CADPS2: variants seen among roughly 807,000 people sequenced by gnomAD.
CADPS2 encodes the protein calcium-dependent secretion activator 2.
In CADPS2, 93 loss-of-function variants were observed where a neutral mutation model predicts 172.5. That is an observed-to-expected ratio of 0.54 (90% CI 0.46 to 0.64). The LOEUF (loss-of-function observed/expected upper bound fraction) is 0.64, where lower values mean the gene tolerates loss of function less well. CADPS2 is among the 30% of genes least tolerant of loss of function. CADPS2 has a pLI of 0.00. For synonymous variants in CADPS2, 546 were observed against 555.2 expected, an observed-to-expected ratio of 0.98 and a Z score of 0.23; for missense variants, 1,420 against 1,565.9, an observed-to-expected ratio of 0.91 and a Z score of 1.57.
chr7:122,350,881 G>T (rs1014321790), intron 27 of CADPS2, among the ~76,000 whole-genome samples: 1 of 151,970 alleles, frequency 6.6e-6, no homozygotes, highest in Non-Finnish European at 1.5e-5. Context: ...AGCTGCTTAG[G>T]AGTCTGAGGT....
intron 3 of CADPS2, among the ~76,000 whole-genome samples, chr7:122,640,943 A>AG (rs2077574769): frequency 6.6e-6 from 1 of 152,044 alleles, no homozygotes; most frequent in Admixed American, 6.5e-5. Context: ...CAAAAAAAAA[A>AG]AAAAAAAATT....
At chr7:122,456,801 TG>T (rs1219933210) in intron 14 of CADPS2, among the ~76,000 whole-genome samples, 1 of 152,194 alleles carries the variant, frequency 6.6e-6, no homozygotes, top group Admixed American at 6.5e-5. Context: ...CAACACTTTT[TG>T]AAAGGCAGAT....
intron 1 of CADPS2, among the ~76,000 whole-genome samples, chr7:122,779,318 G>C (rs1589151510): frequency 6.6e-6 from 1 of 152,154 alleles, no homozygotes; most frequent in East Asian, 1.9e-4. Context: ...GGCCAACTAG[G>C]GTGACTATTC....
At chr7:122,774,279 CA>C (rs2093804067) in intron 1 of CADPS2, among the ~76,000 whole-genome samples, 1 of 146,802 alleles carries the variant, frequency 6.8e-6, no homozygotes, top group African/African-American at 2.5e-5. Flanking sequence ...TACACACACA[CA>C]CACACACACA....
rs181425791 is a variant in CADPS2 at position 122,836,798 on chromosome 7, G to C, written c.339+49201C>G. 2.6e-5 allele frequency among the ~76,000 whole-genome samples: 4 copies of C among 152,138 alleles called. No homozygotes were observed. The South Asian group carries it at 8.3e-4, about 32-fold the overall frequency. ...TAAAGCAAGGCCTTAGAGATCTACA[G>C]AGAGACTTAGACTCTCACACAATAA... On this transcript the variant is annotated intron_variant, in intron 1 of 29. Transcript: ENST00000449022.
intron 1 of CADPS2, among the ~76,000 whole-genome samples, chr7:122,738,393 A>C (rs559089647): frequency 6.6e-6 from 1 of 151,904 alleles, no homozygotes; most frequent in East Asian, 1.9e-4. Context: ...ATCTTAGGTA[A>C]TGCAGAAGCT....
chr7:122,756,554 T>C (rs1189519008), intron 1 of CADPS2, among the ~76,000 whole-genome samples: 1 of 152,214 alleles, frequency 6.6e-6, no homozygotes, highest in Non-Finnish European at 1.5e-5. Context: ...TTCCAAATAC[T>C]CTGATGTTAT....
chr7:122,662,009 A>T (rs2080602834), intron 3 of CADPS2, among the ~76,000 whole-genome samples: 1 of 152,214 alleles, frequency 6.6e-6, no homozygotes, highest in Non-Finnish European at 1.5e-5. Context: ...TGAGTACACA[A>T]ATTGTTCACA....
intron 28 of CADPS2, among the ~76,000 whole-genome samples, chr7:122,344,219 T>C (rs1279122138): frequency 6.6e-6 from 1 of 152,230 alleles, no homozygotes; most frequent in African/African-American, 2.4e-5. Flanking sequence ...GTAACTTGCA[T>C]AATTAAGTGA....
intron 1 of CADPS2, chr7:122,850,320 C>T: frequency 2.1e-6 from 1 of 473,868 alleles, no homozygotes; most frequent in African/African-American, 2.0e-5. Flanking sequence ...TCCTCCAATG[C>T]AGACATGGAC....
At chr7:122,704,589 A>C (rs2086689511) in intron 2 of CADPS2, among the ~76,000 whole-genome samples, 1 of 152,042 alleles carries the variant, frequency 6.6e-6, no homozygotes, top group South Asian at 2.1e-4. Flanking sequence ...TTCAAAACAT[A>C]TCTCACATCA....
chr7:122,609,095 T>C (rs2073971723), intron 6 of CADPS2, among the ~76,000 whole-genome samples: 1 of 152,140 alleles, frequency 6.6e-6, no homozygotes, highest in Non-Finnish European at 1.5e-5. Flanking sequence ...TTTTTAATAA[T>C]GAATTTCCTT....
intron 2 of CADPS2, among the ~76,000 whole-genome samples, chr7:122,666,201 T>G (rs943009220): frequency 6.6e-6 from 1 of 152,202 alleles, no homozygotes; most frequent in Non-Finnish European, 1.5e-5. Context: ...TTGGTCTATC[T>G]GTACCCTAAT....
intron 1 of CADPS2, among the ~76,000 whole-genome samples, chr7:122,739,495 T>C (rs1442865860): frequency 6.6e-6 from 1 of 152,152 alleles, no homozygotes; most frequent in Non-Finnish European, 1.5e-5. Flanking sequence ...TTCATGGATA[T>C]GAATCAAGGA....
At chr7:122,519,393 C>A (rs1034724605) in intron 8 of CADPS2, among the ~76,000 whole-genome samples, 1 of 152,040 alleles carries the variant, frequency 6.6e-6, no homozygotes, top group South Asian at 2.1e-4. Context: ...ACAACAACAA[C>A]AATTGCCTGC....
chr7:122,700,849 T>C, intron 2 of CADPS2, among the ~76,000 whole-genome samples: 1 of 152,170 alleles, frequency 6.6e-6, no homozygotes, highest in East Asian at 1.9e-4. Flanking sequence ...AAGTGAATGT[T>C]TGCAATGTTA....
chr7:122,393,412 GCT>G, intron 21 of CADPS2, 27 bp downstream of exon 21: 4 of 1,613,410 alleles, frequency 2.5e-6, no homozygotes, highest in Non-Finnish European at 3.4e-6. Context: ...AGAGGCAGGT[GCT>G]CTACGGACAC....
intron 20 of CADPS2, among the ~76,000 whole-genome samples, chr7:122,402,840 A>G (rs2046131913): frequency 6.6e-6 from 1 of 152,182 alleles, no homozygotes; most frequent in Non-Finnish European, 1.5e-5. Flanking sequence ...TCCCTTCCTA[A>G]TATTGGACAT....
intron 1 of CADPS2, among the ~76,000 whole-genome samples, chr7:122,807,762 A>G (rs1186800981): frequency 1.3e-5 from 2 of 151,960 alleles, no homozygotes; most frequent in African/African-American, 2.4e-5. Flanking sequence ...TGCACATACA[A>G]TCTTGGCATG....
Sources: allele counts gnomAD v4.1 joint callset (sites outside exome capture counted in the v4.1 genomes callset), GRCh38; gene constraint gnomAD v4.1.1; transcripts MANE v1.5; gene names NCBI Gene and HGNC (gene_info 2026-07-23, HGNC 2026-07-21).